Variants in BCAS3 observed in about 807,000 individuals in gnomAD.
BCAS3 encodes BCAS4/BCAS3 fusion.
BCAS3 carries 53 observed loss-of-function variants against 116.1 expected under a neutral mutation model. The ratio of observed to expected loss-of-function variants is 0.46; its 90% CI spans 0.37 to 0.57. The LOEUF (loss-of-function observed/expected upper bound fraction) is 0.57. Ranked by LOEUF, BCAS3 falls within the 20% of genes least tolerant of loss-of-function variation. The pLI, the probability that BCAS3 is intolerant of heterozygous loss-of-function variation, is 0.00. For synonymous variants in BCAS3, 391 were observed against 408.2 expected (o/e 0.96, Z 0.51); for missense variants, 917 against 1,165.4 (o/e 0.79, Z 3.10).
intron 22 of BCAS3, among the ~76,000 whole-genome samples, chr17:61,163,820 C>G (rs9891919): frequency 6.6e-6 from 1 of 151,832 alleles, no homozygotes; most frequent in Non-Finnish European, 1.5e-5. Context: ...AACCCCGTCT[C>G]TACTAAAAAT....
rs1228405911 is a variant in BCAS3, at chr17:61,244,906, A to G, written c.2426-123421A>G. ...AAAAAGGATATATAGGGAAGGAGCA[A>G]TTTTTTAAAGATTTAACTGCAATTG... is the stretch of plus-strand genomic sequence containing the variant. On this transcript the variant is annotated intron_variant, in intron 22 of 23. Transcript: ENST00000407086. The surrounding 1 kb of genome is among the most constrained non-coding windows in gnomAD (Gnocchi z 4.9). Among the ~76,000 whole-genome samples, 1 of 152,114 alleles carries G rather than the reference A, an allele frequency of 6.6e-6. No homozygotes were observed. Among genetic ancestry groups the G allele is most frequent in the Non-Finnish European group, 1.5e-5 (1 of 68,006 alleles).
At chr17:61,225,037 A>G (rs2082299033) in intron 22 of BCAS3, among the ~76,000 whole-genome samples, 1 of 152,242 alleles carries the variant, frequency 6.6e-6, no homozygotes, top group Non-Finnish European at 1.5e-5. Flanking sequence ...CTGAGATGCC[A>G]GAAGTTAATC....
chr17:61,069,240 T>G (rs1053681299), intron 19 of BCAS3, among the ~76,000 whole-genome samples: 11 of 151,354 alleles, frequency 7.3e-5, no homozygotes, highest in African/African-American at 2.7e-4. Flanking sequence ...AAGGGAAGAG[T>G]AATAAAGCTA....
At chr17:60,796,270 T>G (rs957006135) in intron 6 of BCAS3, among the ~76,000 whole-genome samples, 3 of 152,234 alleles carry the variant, frequency 2.0e-5, no homozygotes, top group African/African-American at 4.8e-5. Context: ...GGTTCCTCCT[T>G]TCTCTATCTT....
chr17:61,044,465 A>AATATATATATATAT (rs1555683922), intron 19 of BCAS3, among the ~76,000 whole-genome samples: 48 of 120,088 alleles, frequency 4.0e-4, no homozygotes, highest in African/African-American at 2.0e-3. Flanking sequence ...AAAAAAAAAA[A>AATATATATATATAT]ATATATATAT....
At chr17:61,109,410 T>A (rs1601306490) in intron 22 of BCAS3, among the ~76,000 whole-genome samples, 2 of 152,236 alleles carry the variant, frequency 1.3e-5, no homozygotes, top group East Asian at 3.9e-4. Context: ...GCTATAAACG[T>A]GTGTGCAAGT....
rs2051055507 is a variant in BCAS3 at position 61,279,510 on chromosome 17, G to C, written c.2426-88817G>C. ...TGGTGGCTAAGAGATTCACAAGCCA[G>C]TTTGTATTTTGCAAACTTTCCCTTG... On this transcript the variant is annotated intron_variant, in intron 22 of 23. Coordinates refer to ENST00000407086, the MANE Select transcript of BCAS3 (RefSeq NM_017679.5). This position sits in a 1 kb window ranked among gnomAD's most constrained non-coding sequence, Gnocchi z 4.4. 6.6e-6 allele frequency among the ~76,000 whole-genome samples: 1 copy of C among 152,124 alleles called. No individual in the cohort carries two copies. The highest frequency in any genetic ancestry group is 1.5e-5 in the Non-Finnish European group (1 of 68,026).
chr17:61,316,517 T>G lies in BCAS3; in HGVS notation c.2426-51810T>G, dbSNP rs2054748130. On this transcript the variant is annotated intron_variant, in intron 22 of 23. Transcript: ENST00000407086. The surrounding 1 kb of genome is among the most constrained non-coding windows in gnomAD (Gnocchi z 5.8). ...CTCTGCCCTCCTATTTGCCTCCACA[T>G]GCCGCCGCGTCCCTTCCACAGCTCC... Among the ~76,000 whole-genome samples, 1 of 152,016 alleles carries G rather than the reference T, an allele frequency of 6.6e-6. No individual in the cohort carries two copies. The highest frequency in any genetic ancestry group is 1.5e-5 in the Non-Finnish European group (1 of 67,996).
chr17:60,789,506 A>G (rs1369947890), intron 6 of BCAS3, among the ~76,000 whole-genome samples: 1 of 152,224 alleles, frequency 6.6e-6, no homozygotes, highest in Non-Finnish European at 1.5e-5. Flanking sequence ...TTAGTGTTAT[A>G]GGACAGAATT....
intron 1 of BCAS3, among the ~76,000 whole-genome samples, chr17:60,679,128 G>A (rs1031356217): frequency 3.3e-5 from 5 of 152,334 alleles, no homozygotes; most frequent in African/African-American, 1.2e-4. Flanking sequence ...AGGAGGCTGA[G>A]GCAGGAGAAT....
In BCAS3 at chr17:61,168,681, G is replaced by A. The variant is rs74714911; in HGVS notation, c.2425+84117G>A. Among the ~76,000 whole-genome samples, 928 of 152,302 alleles carry A rather than the reference G, an allele frequency of 6.1e-3. 4 individuals are homozygous for A. Among genetic ancestry groups the A allele is most frequent in the Non-Finnish European group, 0.011 (743 of 68,012 alleles). On this transcript the variant is annotated intron_variant, in intron 22 of 23. Transcript: ENST00000407086. ...GCAAAGGTTGGCAAATGTGGGAGAA[G>A]GAGCAGGTTCTGCCCTGTGCTGCAA...
chr17:61,237,418 G>C (rs2144482326), intron 22 of BCAS3, among the ~76,000 whole-genome samples: 1 of 152,308 alleles, frequency 6.6e-6, no homozygotes, highest in Admixed American at 6.5e-5. Context: ...ACATGGGTGG[G>C]GACAAATAAA....
intron 5 of BCAS3, among the ~76,000 whole-genome samples, chr17:60,735,691 C>G (rs540065088): frequency 6.6e-6 from 1 of 152,124 alleles, no homozygotes; most frequent in East Asian, 1.9e-4. Context: ...TGGGTTCAAG[C>G]GATCCACTCA....
At chr17:60,905,227 A>G (rs990553025) in intron 11 of BCAS3, among the ~76,000 whole-genome samples, 1 of 152,212 alleles carries the variant, frequency 6.6e-6, no homozygotes, top group Non-Finnish European at 1.5e-5. Flanking sequence ...ATAAGAATAT[A>G]TAGGACACAA....
intron 2 of BCAS3, among the ~76,000 whole-genome samples, chr17:60,682,458 T>A (rs2033311899): frequency 1.3e-5 from 2 of 152,202 alleles, no homozygotes; most frequent in Non-Finnish European, 2.9e-5. Context: ...TTATGATAAA[T>A]CATATTATTT....
intron 6 of BCAS3, among the ~76,000 whole-genome samples, chr17:60,802,734 T>A (rs917240278): frequency 2.6e-5 from 4 of 152,114 alleles, no homozygotes; most frequent in Non-Finnish European, 5.9e-5. Context: ...CTCTGCCTCC[T>A]GGGTTCAAGC....
In BCAS3 at chr17:61,302,013, G is replaced by A. The variant is rs1425317416; in HGVS notation, c.2426-66314G>A. Among the ~76,000 whole-genome samples the A allele has an allele frequency of 1.3e-5, 2 of 152,142 alleles. No individual in the cohort carries two copies. The highest frequency in any genetic ancestry group is 2.9e-5 in the Non-Finnish European group (2 of 68,024). Reference sequence around the variant, plus strand: ...TAGGTGAAGCACGGCCACTTTGAACGCTTATTCCCATTCTGCAGAGACCCA... The same window carrying A: ...TAGGTGAAGCACGGCCACTTTGAACACTTATTCCCATTCTGCAGAGACCCA... On this transcript the variant is annotated intron_variant, in intron 22 of 23. Transcript: ENST00000407086. The surrounding 1 kb of genome is among the most constrained non-coding windows in gnomAD (Gnocchi z 4.4).
rs77386720 is a variant in BCAS3, at chr17:61,372,079, A to G, written c.2593+3585A>G. Among the ~76,000 whole-genome samples the G allele has an allele frequency of 4.3e-3, 656 of 152,278 alleles. 11 individuals are homozygous for G. The highest frequency in any genetic ancestry group is 0.015 in the African/African-American group (626 of 41,536). On this transcript the variant is annotated intron_variant, in intron 23 of 23. Coordinates refer to ENST00000407086, the MANE Select transcript of BCAS3 (RefSeq NM_017679.5). ...TTCGGCAAACTCCAATTCGAGCTCA[A>G]TCCAACTCTGCTCTCACACCTGGGT...
Position 61,381,489 on chromosome 17 carries a change from G to A in BCAS3, c.2594-10488G>A, listed in dbSNP as rs931430771. 5.3e-5 allele frequency among the ~76,000 whole-genome samples: 8 copies of A among 152,118 alleles called. No individual in the cohort carries two copies. Among genetic ancestry groups the A allele is most frequent in the Non-Finnish European group, 1.0e-4 (7 of 68,042 alleles). Reference sequence around the variant, plus strand: ...GACCCCAAAGAGGGCAACAGAGGCCGTGCCCCAACACCATTCCTTTGGCTA... The same window carrying A: ...GACCCCAAAGAGGGCAACAGAGGCCATGCCCCAACACCATTCCTTTGGCTA... On this transcript the variant is annotated intron_variant, in intron 23 of 23. Transcript: ENST00000407086. This position sits in a 1 kb window ranked among gnomAD's most constrained non-coding sequence, Gnocchi z 6.0.
Sources: allele counts gnomAD v4.1 joint callset (sites outside exome capture counted in the v4.1 genomes callset), GRCh38; gene constraint gnomAD v4.1.1; non-coding constraint Gnocchi (gnomAD v3.1); transcripts MANE v1.5; gene names NCBI Gene and HGNC (gene_info 2026-07-23, HGNC 2026-07-21).